CFAP47: variants seen among roughly 807,000 people sequenced by gnomAD.
CFAP47 encodes cilia- and flagella-associated protein 47.
CFAP47 carries 29 observed loss-of-function variants against 148.1 expected under a neutral mutation model. The ratio of observed to expected loss-of-function variants is 0.20; its 90% CI spans 0.15 to 0.27. CFAP47 has a LOEUF of 0.27. Ranked by LOEUF, CFAP47 falls within the 10% of genes least tolerant of loss-of-function variation. The pLI is 1.00. For missense variants in CFAP47, 1,872 were observed against 1,697.5 expected, an observed-to-expected ratio of 1.10 and a Z score of -1.81; for synonymous variants, 664 against 577.3, an observed-to-expected ratio of 1.15 and a Z score of -2.15.
Position 35,967,785 on chromosome X carries a change from T to A in CFAP47, c.1767T>A (p.Asn589Lys). 1 of 1,208,552 alleles carries A rather than the reference T, an allele frequency of 8.3e-7. No individual in the cohort carries two copies. The highest frequency in any genetic ancestry group is 3.0e-5 in the East Asian group (1 of 33,737). ...PVKDMLLAFPNDRAATIRSKD... is the reference protein window; with the variant it reads ...PVKDMLLAFPKDRAATIRSKD... ...AGGATATGCTATTAGCCTTTCCCAA[T>A]GACCGAGCTGCAACTATCAGGTCTA... Residue 589 changes from asparagine to lysine, a missense_variant, in exon 10 of 64, where the codon AAT (asparagine) becomes AAA (lysine). Physicochemically the swap from Asn to Lys is moderately conservative, Grantham distance 94. Transcript: ENST00000378653.
At chrX:36,153,726 C>A (rs183745298) in intron 37 of CFAP47, among the ~76,000 whole-genome samples, 10 of 112,222 alleles carry the variant, frequency 8.9e-5, no homozygotes, top group South Asian at 3.7e-4. Flanking sequence ...GGATGCCTCC[C>A]AAATTTATTG....
At chrX:36,013,055 G>T (rs958124248) in intron 21 of CFAP47, among the ~76,000 whole-genome samples, 5 of 110,360 alleles carry the variant, frequency 4.5e-5, no homozygotes, top group Non-Finnish European at 9.5e-5. Context: ...TGACAACACG[G>T]TTCCTGACAG....
intron 29 of CFAP47, among the ~76,000 whole-genome samples, chrX:36,083,341 T>A (rs1938019802): frequency 9.1e-6 from 1 of 110,425 alleles, no homozygotes; most frequent in African/African-American, 3.3e-5. Flanking sequence ...TATACTTATA[T>A]ATGTATGTAT....
chrX:35,966,740 T>A lies in CFAP47; in HGVS notation c.1586T>A (p.Met529Lys), dbSNP rs1936413474. ...ICKASTKKVV[M>K]KFDPGILPSI... ...AAAGCTTCCACCAAGAAAGTTGTGA[T>A]GAAATTTGATCCTGGTATGCTATTG... Residue 529 changes from methionine to lysine, a missense_variant, in exon 9 of 64, where the codon ATG becomes AAG. Transcript: ENST00000378653. The A allele has an allele frequency of 1.8e-6, 2 of 1,128,081 alleles. No individual in the cohort carries two copies. Among genetic ancestry groups the A allele is most frequent in the African/African-American group, 3.7e-5 (2 of 53,429 alleles). 93.0% of individuals were successfully genotyped at this position (1,128,081 alleles called of 1,213,427 possible).
intron 49 of CFAP47, among the ~76,000 whole-genome samples, chrX:36,256,651 A>G (rs782135901): frequency 2.0e-4 from 22 of 111,828 alleles, no homozygotes; most frequent in Non-Finnish European, 3.2e-4. Flanking sequence ...ACAAACAACA[A>G]ACAGGGAGAT....
intron 39 of CFAP47, among the ~76,000 whole-genome samples, chrX:36,178,965 T>A (rs1037721911): frequency 5.3e-5 from 6 of 112,427 alleles, no homozygotes; most frequent in Non-Finnish European, 9.4e-5. Flanking sequence ...ATTTTTCTTT[T>A]ATGGAAATAG....
intron 30 of CFAP47, among the ~76,000 whole-genome samples, chrX:36,089,090 G>A (rs1938138511): frequency 8.9e-6 from 1 of 112,025 alleles, no homozygotes; most frequent in Admixed American, 9.5e-5. Flanking sequence ...ATCCTGGGCT[G>A]GGTGCGGTGG....
chrX:36,346,840 A>G (rs1941701309), intron 57 of CFAP47, among the ~76,000 whole-genome samples: 1 of 111,850 alleles, frequency 8.9e-6, no homozygotes, highest in Non-Finnish European at 1.9e-5. Context: ...AAATCCTAGA[A>G]GAAAACCTGG....
rs776813461 is a variant in CFAP47 at position 36,026,502 on chromosome X, C to T, written c.3557-4751C>T. Among the ~76,000 whole-genome samples, 13 of 111,351 alleles carry T rather than the reference C, an allele frequency of 1.2e-4. No homozygotes were observed. The South Asian group carries it at 4.8e-3, about 41-fold the overall frequency. On this transcript the variant is annotated intron_variant, in intron 22 of 63. Transcript: ENST00000378653. ...ACAATATAATATAATTAACATTAGT[C>T]CTCATGCTGTTTATTAGATCAGTTT... is the stretch of plus-strand genomic sequence containing the variant.
intron 30 of CFAP47, among the ~76,000 whole-genome samples, chrX:36,092,496 G>C (rs758829459): frequency 7.2e-5 from 8 of 111,303 alleles, no homozygotes; most frequent in African/African-American, 1.6e-4. Flanking sequence ...ACCATGTAGG[G>C]ATTGATGTAG....
Position 36,233,372 on chromosome X carries a change from G to C in CFAP47, c.7015-2562G>C, listed in dbSNP as rs1447110412. Reference sequence around the variant, plus strand: ...TTGATCCCTTTACCATTATGTAATGGCTTCTTTGTCTCTTTTGATCTTTGT... The same window carrying C: ...TTGATCCCTTTACCATTATGTAATGCCTTCTTTGTCTCTTTTGATCTTTGT... On this transcript the variant is annotated intron_variant, in intron 46 of 63. Coordinates refer to ENST00000378653, the MANE Select transcript of CFAP47 (RefSeq NM_001304548.2). Among the ~76,000 whole-genome samples, 5 of 111,108 alleles carry C rather than the reference G, an allele frequency of 4.5e-5. No individual in the cohort carries two copies. In the East Asian group the frequency reaches 1.4e-3, roughly 32 times the overall value.
chrX:36,301,492 A>T (rs1178836772), intron 53 of CFAP47, among the ~76,000 whole-genome samples: 1 of 110,129 alleles, frequency 9.1e-6, no homozygotes, highest in East Asian at 2.9e-4. Flanking sequence ...AACAGAAAAA[A>T]GTTCATCTTT....
chrX:36,186,376 A>G (rs1939806870), intron 40 of CFAP47, among the ~76,000 whole-genome samples: 1 of 111,528 alleles, frequency 9.0e-6, no homozygotes, highest in Non-Finnish European at 1.9e-5. Flanking sequence ...TGGTGCAAAA[A>G]ACAGCAAATA....
At chrX:36,295,038 G>A (rs1051524359) in intron 51 of CFAP47, among the ~76,000 whole-genome samples, 5 of 111,818 alleles carry the variant, frequency 4.5e-5, no homozygotes, top group African/African-American at 1.6e-4. Flanking sequence ...CTGAGAAATG[G>A]AAGCAATTTC....
chrX:36,330,818 C>G (rs1031659818), intron 57 of CFAP47, among the ~76,000 whole-genome samples: 1 of 111,607 alleles, frequency 9.0e-6, no homozygotes, highest in African/African-American at 3.3e-5. Context: ...CTAAAGCCAG[C>G]CCCTCTACTC....
At chrX:36,296,949 T>C (rs1556006897) in intron 51 of CFAP47, among the ~76,000 whole-genome samples, 1 of 111,983 alleles carries the variant, frequency 8.9e-6, no homozygotes, top group East Asian at 2.8e-4. Flanking sequence ...TTTTACACTT[T>C]TATTTTTCCT....
chrX:36,066,270 CA>C (rs1248306561), intron 27 of CFAP47, among the ~76,000 whole-genome samples: 2 of 108,586 alleles, frequency 1.8e-5, no homozygotes, highest in Non-Finnish European at 3.8e-5. Flanking sequence ...GAGTGGGTAA[CA>C]AAAAAAAATC....
chrX:36,042,477 T>C (rs1322301171), intron 25 of CFAP47, among the ~76,000 whole-genome samples: 1 of 110,903 alleles, frequency 9.0e-6, no homozygotes, highest in Non-Finnish European at 1.9e-5. Context: ...ATACTTAAAA[T>C]TCAATATAAT....
chrX:36,331,381 T>C (rs1417884487), intron 57 of CFAP47, among the ~76,000 whole-genome samples: 1 of 111,379 alleles, frequency 9.0e-6, no homozygotes, highest in Non-Finnish European at 1.9e-5. Flanking sequence ...TTAGTTATAT[T>C]ATCTTCCTGG....
Sources: allele counts gnomAD v4.1 joint callset (sites outside exome capture counted in the v4.1 genomes callset), GRCh38; gene constraint gnomAD v4.1.1; transcripts MANE v1.5; gene names NCBI Gene and HGNC (gene_info 2026-07-23, HGNC 2026-07-21).